SDK1: variants seen among roughly 807,000 people sequenced by gnomAD.
SDK1 encodes sidekick cell adhesion molecule 1.
A neutral mutation model predicts 245.5 loss-of-function variants in SDK1; 157 were observed. The ratio of observed to expected loss-of-function variants is 0.64; its 90% CI spans 0.56 to 0.73. SDK1 has a LOEUF of 0.73. SDK1 is among the 30% of genes least tolerant of loss of function. SDK1 has a pLI of 0.00. For synonymous variants in SDK1, 1,647 were observed against 1,278.5 expected (o/e 1.29, Z -6.15); for missense variants, 3,583 against 3,002.3 (o/e 1.19, Z -4.52).
intron 2 of SDK1, among the ~76,000 whole-genome samples, chr7:3,626,558 A>C (rs1217606030): frequency 1.3e-5 from 2 of 152,162 alleles, no homozygotes; most frequent in Non-Finnish European, 2.9e-5. Flanking sequence ...CTCACCTTTT[A>C]GTTGCCTTGC....
chr7:3,947,687 T>A (rs1219375728), intron 5 of SDK1, among the ~76,000 whole-genome samples: 1 of 151,366 alleles, frequency 6.6e-6, no homozygotes, highest in Non-Finnish European at 1.5e-5. Context: ...TTTTAAAATA[T>A]ACACATATAT....
chr7:3,311,083 G>C (rs558072383), intron 1 of SDK1, among the ~76,000 whole-genome samples: 2 of 152,224 alleles, frequency 1.3e-5, no homozygotes, highest in South Asian at 2.1e-4. Flanking sequence ...GATGAGTCAC[G>C]GTAGTAGAGT....
chr7:3,792,267 G>A (rs1402139260), intron 4 of SDK1, among the ~76,000 whole-genome samples: 2 of 152,046 alleles, frequency 1.3e-5, no homozygotes, highest in Non-Finnish European at 2.9e-5. Flanking sequence ...AATTGCCTGA[G>A]GCCATGGGTC....
intron 1 of SDK1, among the ~76,000 whole-genome samples, chr7:3,563,546 T>C (rs1416025723): frequency 6.6e-6 from 1 of 152,162 alleles, no homozygotes; most frequent in Non-Finnish European, 1.5e-5. Flanking sequence ...TGCAATATAG[T>C]TTGAAAATAT....
intron 1 of SDK1, among the ~76,000 whole-genome samples, chr7:3,345,739 T>C (rs1780474798): frequency 1.3e-5 from 2 of 152,162 alleles, no homozygotes; most frequent in South Asian, 4.1e-4. Flanking sequence ...TTTCAGTGCT[T>C]CTCTAGAGTA....
chr7:3,434,436 C>T (rs1004334910), intron 1 of SDK1, among the ~76,000 whole-genome samples: 2 of 152,180 alleles, frequency 1.3e-5, no homozygotes, highest in South Asian at 2.1e-4. Context: ...AGGAAGTTTG[C>T]GTAGCTCGCG....
intron 30 of SDK1, 114 bp from the exon 31 acceptor site, chr7:4,158,334 G>C: frequency 1.3e-6 from 1 of 793,508 alleles, no homozygotes; most frequent in Non-Finnish European, 2.0e-6. Flanking sequence ...CAGGAGCCCA[G>C]AGCTCTCAGG....
chr7:4,014,145 G>C (rs954622016), intron 16 of SDK1, among the ~76,000 whole-genome samples: 3 of 152,250 alleles, frequency 2.0e-5, no homozygotes, highest in Non-Finnish European at 1.5e-5. Flanking sequence ...AGCATGTGCA[G>C]GAAGAGTTTC....
At chr7:3,377,228 GC>G (rs1219003733) in intron 1 of SDK1, among the ~76,000 whole-genome samples, 1 of 152,158 alleles carries the variant, frequency 6.6e-6, no homozygotes. Flanking sequence ...AGGGTTTGTG[GC>G]TGTGTGTCTT....
chr7:3,539,486 T>C (rs1344044112), intron 1 of SDK1, among the ~76,000 whole-genome samples: 1 of 152,176 alleles, frequency 6.6e-6, no homozygotes, highest in Non-Finnish European at 1.5e-5. Flanking sequence ...AGTTTTAGGC[T>C]AGAACAGCTG....
intron 1 of SDK1, among the ~76,000 whole-genome samples, chr7:3,569,720 G>A (rs965470907): frequency 1.3e-5 from 2 of 152,210 alleles, no homozygotes; most frequent in African/African-American, 4.8e-5. Context: ...GGGTTAATTG[G>A]TATGGATTTT....
intron 5 of SDK1, among the ~76,000 whole-genome samples, chr7:3,926,744 T>C (rs974076309): frequency 6.6e-6 from 1 of 152,198 alleles, no homozygotes. Flanking sequence ...TTTCTACGAC[T>C]CCGTAAGGCA....
In SDK1 at chr7:4,051,690, C is replaced by A. The variant is rs145040773; in HGVS notation, c.2771C>A (p.Ala924Asp). ...GAGGCTGTCACTGTGGTCACTATTG[C>A]CCCAGATTTCCACGGAGTCCACCAT... Reference protein sequence around the residue: ...APEAVTVVTIAPDFHGVHHGH... With the variant: ...APEAVTVVTIDPDFHGVHHGH... The change falls in exon 19 of 45, where the codon GCC (alanine) becomes GAC (aspartate). Residue 924 changes from alanine (A) to aspartate (D), a missense_variant. Coordinates refer to ENST00000404826, the MANE Select transcript of SDK1 (RefSeq NM_152744.4). 1 of 1,613,508 alleles carries A rather than the reference C, an allele frequency of 6.2e-7. No individual in the cohort carries two copies. The highest frequency in any genetic ancestry group is 2.2e-5 in the East Asian group (1 of 44,836).
intron 1 of SDK1, among the ~76,000 whole-genome samples, chr7:3,585,981 C>T (rs887489121): frequency 6.6e-6 from 1 of 152,170 alleles, no homozygotes; most frequent in African/African-American, 2.4e-5. Flanking sequence ...CACTAATCAG[C>T]TTTCGGATAT....
intron 38 of SDK1, among the ~76,000 whole-genome samples, chr7:4,217,018 C>T (rs1374250606): frequency 1.5e-5 from 2 of 130,136 alleles, no homozygotes; most frequent in African/African-American, 5.9e-5. Context: ...CCCGGAGCAC[C>T]ACACCACCCG....
At chr7:3,642,382 T>A (rs1782677955) in intron 4 of SDK1, among the ~76,000 whole-genome samples, 1 of 152,192 alleles carries the variant, frequency 6.6e-6, no homozygotes, top group Non-Finnish European at 1.5e-5. Flanking sequence ...TTTTTTTCTT[T>A]TCTGAGTGTA....
At chr7:3,476,658 T>C (rs1334386855) in intron 1 of SDK1, among the ~76,000 whole-genome samples, 1 of 152,178 alleles carries the variant, frequency 6.6e-6, no homozygotes, top group Admixed American at 6.5e-5. Flanking sequence ...TTAGTATTTT[T>C]ATATAGTTAA....
At chr7:3,438,676 A>G (rs577253886) in intron 1 of SDK1, among the ~76,000 whole-genome samples, 19 of 152,066 alleles carry the variant, frequency 1.2e-4, no homozygotes, top group Middle Eastern at 3.4e-3. Context: ...TCTCATCTCT[A>G]TTGCCAACCC....
intron 5 of SDK1, among the ~76,000 whole-genome samples, chr7:3,865,219 G>C (rs543800436): frequency 4.6e-5 from 7 of 152,168 alleles, no homozygotes; most frequent in African/African-American, 1.7e-4. Flanking sequence ...GGCCCAGGGG[G>C]CTGGAGGTTG....
Sources: allele counts gnomAD v4.1 joint callset (sites outside exome capture counted in the v4.1 genomes callset), GRCh38; gene constraint gnomAD v4.1.1; transcripts MANE v1.5; gene names NCBI Gene and HGNC (gene_info 2026-07-23, HGNC 2026-07-21).